Variants in SMC6 observed in about 807,000 individuals in gnomAD.
SMC6 encodes structural maintenance of chromosomes protein 6.
A neutral mutation model predicts 142.2 loss-of-function variants in SMC6; 79 were observed. The observed-to-expected ratio is 0.56, with a 90% CI of 0.46 to 0.67. The LOEUF (loss-of-function observed/expected upper bound fraction) is 0.67. Ranked by LOEUF, SMC6 falls within the 30% of genes least tolerant of loss-of-function variation. The pLI, the probability that SMC6 is intolerant of heterozygous loss-of-function variation, is 0.00. For synonymous variants in SMC6, 411 were observed against 412.4 expected, an observed-to-expected ratio of 1.00 and a Z score of 0.04; for missense variants, 1,072 against 1,284.0, an observed-to-expected ratio of 0.83 and a Z score of 2.52.
intron 24 of SMC6, among the ~76,000 whole-genome samples, chr2:17,682,727 G>A (rs184697884): frequency 3.3e-5 from 5 of 152,076 alleles, no homozygotes; most frequent in Admixed American, 3.3e-4. Flanking sequence ...CACAACCAAC[G>A]GCTGCTCTAA....
intron 23 of SMC6, among the ~76,000 whole-genome samples, chr2:17,694,738 G>A (rs993936506): frequency 3.5e-5 from 4 of 113,296 alleles, no homozygotes; most frequent in Non-Finnish European, 5.5e-5. Context: ...ATTATCAAGA[G>A]CATCTGTTTT....
At chr2:17,716,601 T>G (rs1227396230) in intron 14 of SMC6, 140 bp downstream of exon 14, 12 of 896,492 alleles carry the variant, frequency 1.3e-5, no homozygotes, top group Non-Finnish European at 2.0e-5. Context: ...TGCAAAGTAT[T>G]TAACATAAAA....
In SMC6 at chr2:17,666,023, A is replaced by G. The variant is rs549368529; in HGVS notation, c.3161+397T>C. Among the ~76,000 whole-genome samples the G allele has an allele frequency of 5.9e-5, 9 of 152,368 alleles. No homozygotes were observed. In the East Asian group the frequency reaches 1.7e-3, roughly 29 times the overall value. ...CTTGACAATTGTAGGCACCCAATAA[A>G]TACTGACTGACAGCAGAGTAGAGCT... On this transcript the variant is annotated intron_variant, in intron 27 of 27. Transcript: ENST00000448223.
chr2:17,746,627 C>T (rs1399060108), intron 2 of SMC6, among the ~76,000 whole-genome samples: 3 of 151,844 alleles, frequency 2.0e-5, no homozygotes, highest in Non-Finnish European at 4.4e-5. Flanking sequence ...CTATTTTTTG[C>T]CAATATACTA....
chr2:17,712,938 C>T (rs1330245273), intron 16 of SMC6, among the ~76,000 whole-genome samples: 4 of 152,220 alleles, frequency 2.6e-5, no homozygotes, highest in African/African-American at 9.6e-5. Flanking sequence ...GCTCCTGAAG[C>T]CAAAACATGG....
At chr2:17,720,905 A>G in intron 11 of SMC6, 35 bp downstream of exon 11, 1 of 1,530,686 alleles carries the variant, frequency 6.5e-7, no homozygotes. Context: ...CATATGATTC[A>G]ACCTATTAAA....
At position 17,731,890 on chromosome 2, in the gene SMC6, G is replaced by A; in HGVS notation, c.345-13C>T. ...GATATCTGCAGAGCTGAAAGAATGA[G>A]GTTGAGCTAAGTTACATGAAGATAC... On this transcript the variant is annotated splice_polypyrimidine_tract_variant and intron_variant, in intron 5 of 27. Transcript: ENST00000448223. 6.2e-7 allele frequency: 1 copy of A among 1,610,712 alleles called. No individual in the cohort carries two copies. The highest frequency in any genetic ancestry group is 8.5e-7 in the Non-Finnish European group (1 of 1,178,694).
intron 15 of SMC6, 148 bp downstream of exon 15, chr2:17,715,938 T>TA: frequency 1.5e-6 from 1 of 670,814 alleles, no homozygotes; most frequent in African/African-American, 1.9e-5. Context: ...TTTTATGCTT[T>TA]AAAAATATAA....
intron 3 of SMC6, among the ~76,000 whole-genome samples, chr2:17,743,415 T>G (rs1275629601): frequency 6.6e-6 from 1 of 152,186 alleles, no homozygotes; most frequent in Non-Finnish European, 1.5e-5. Flanking sequence ...CCTAACTATT[T>G]CATTTTTTAA....
intron 8 of SMC6, 104 bp downstream of exon 8, chr2:17,726,285 G>GAA: frequency 5.4e-5 from 39 of 721,562 alleles, no homozygotes; most frequent in Admixed American, 6.5e-5. Flanking sequence ...TGGCTTTAAG[G>GAA]AAAAAAAAAA....
At chr2:17,743,924 T>C (rs1192165665) in intron 3 of SMC6, among the ~76,000 whole-genome samples, 1 of 152,160 alleles carries the variant, frequency 6.6e-6, no homozygotes, top group Non-Finnish European at 1.5e-5. Context: ...CTTAATAGCT[T>C]AATACTAATA....
chr2:17,719,140 C>T (rs1669249173), intron 11 of SMC6, among the ~76,000 whole-genome samples: 1 of 152,090 alleles, frequency 6.6e-6, no homozygotes, highest in Non-Finnish European at 1.5e-5. Flanking sequence ...ATGGTCTCTC[C>T]TAAAACAATT....
intron 4 of SMC6, among the ~76,000 whole-genome samples, chr2:17,740,221 T>G (rs1033057464): frequency 6.6e-6 from 1 of 152,232 alleles, no homozygotes; most frequent in Non-Finnish European, 1.5e-5. Context: ...TCTTGTCCCA[T>G]GTGACCCCTC....
chr2:17,670,343 A>T, intron 26 of SMC6, 80 bp downstream of exon 26: 2 of 1,445,234 alleles, frequency 1.4e-6, no homozygotes, highest in Non-Finnish European at 1.9e-6. Flanking sequence ...GGTAAAACTA[A>T]AGAAAGATTT....
intron 5 of SMC6, among the ~76,000 whole-genome samples, chr2:17,736,066 C>G (rs1353065569): frequency 6.6e-6 from 1 of 151,834 alleles, no homozygotes; most frequent in African/African-American, 2.4e-5. Context: ...GCTGATTCTG[C>G]AAAAAAGTGA....
chr2:17,726,249 T>A, intron 8 of SMC6, 140 bp downstream of exon 8: 1 of 497,698 alleles, frequency 2.0e-6, no homozygotes, highest in Non-Finnish European at 3.4e-6. Flanking sequence ...TTTCCTAATC[T>A]AGGAAATTGA....
At chr2:17,726,142 GCAACTGT>G (rs1307512956) in intron 8 of SMC6, among the ~76,000 whole-genome samples, 6 of 140,466 alleles carry the variant, frequency 4.3e-5, no homozygotes, top group Non-Finnish European at 9.2e-5. Context: ...GTATGTAGGA[GCAACTGT>G]TACCCTGTAT....
intron 16 of SMC6, 52 bp downstream of exon 16, chr2:17,714,809 C>T (rs1343320969): frequency 1.3e-6 from 2 of 1,550,436 alleles, no homozygotes; most frequent in Non-Finnish European, 1.8e-6. Flanking sequence ...TCTTTCCAAT[C>T]TTGCATATGA....
At chr2:17,721,809 C>T (rs1669386334) in intron 9 of SMC6, among the ~76,000 whole-genome samples, 1 of 151,956 alleles carries the variant, frequency 6.6e-6, no homozygotes, top group Non-Finnish European at 1.5e-5. Context: ...GATTCTCCTG[C>T]CTCAGCCTCC....
Sources: allele counts gnomAD v4.1 joint callset (sites outside exome capture counted in the v4.1 genomes callset), GRCh38; gene constraint gnomAD v4.1.1; transcripts MANE v1.5; gene names NCBI Gene and HGNC (gene_info 2026-07-23, HGNC 2026-07-21).